Variants in SCP2 observed in about 807,000 individuals in gnomAD.
SCP2 encodes sterol carrier protein 2.
In SCP2, 48 loss-of-function variants were observed where a neutral mutation model predicts 71.4. The ratio of observed to expected loss-of-function variants is 0.67; its 90% confidence interval spans 0.53 to 0.86. SCP2 has a LOEUF of 0.86. Among genes scored for constraint, SCP2 ranks in the 40% least tolerant of loss-of-function variants. SCP2 has a pLI of 0.00. For missense variants in SCP2, 560 were observed against 655.6 expected (o/e 0.85, Z 1.59); for synonymous variants, 220 against 218.1 (o/e 1.01, Z -0.08).
At chr1:52,978,145 A>T in intron 8 of SCP2, 72 bp from the exon 9 acceptor site, 1 of 1,453,822 alleles carries the variant, frequency 6.9e-7, no homozygotes, top group East Asian at 2.3e-5. Flanking sequence ...TTTCACATAG[A>T]AGTAACTCCT....
chr1:53,026,256 A>G (rs1203054490), intron 12 of SCP2, among the ~76,000 whole-genome samples: 1 of 152,148 alleles, frequency 6.6e-6, no homozygotes, highest in Admixed American at 6.6e-5. Flanking sequence ...TCTTTATTCT[A>G]GGAACATTTG....
chr1:53,005,896 A>G (rs1340687548), intron 11 of SCP2, among the ~76,000 whole-genome samples: 2 of 152,194 alleles, frequency 1.3e-5, no homozygotes, highest in Non-Finnish European at 2.9e-5. Flanking sequence ...GATTAGACGA[A>G]TGGCTAATTA....
chr1:53,025,870 T>C (rs1327277513), intron 12 of SCP2, among the ~76,000 whole-genome samples: 2 of 152,236 alleles, frequency 1.3e-5, no homozygotes, highest in African/African-American at 4.8e-5. Flanking sequence ...TTCCCTACTT[T>C]GGCCTGCCTG....
At chr1:53,044,717 T>C (rs989451522) in intron 14 of SCP2, among the ~76,000 whole-genome samples, 1 of 152,248 alleles carries the variant, frequency 6.6e-6, no homozygotes, top group African/African-American at 2.4e-5. Context: ...CCTATTGTTA[T>C]ATTAATTGAT....
intron 11 of SCP2, chr1:52,993,649 C>T (rs1333798743): frequency 6.2e-6 from 10 of 1,612,276 alleles, no homozygotes; most frequent in Non-Finnish European, 8.5e-6. Context: ...CTATCACACA[C>T]TGCTTTGTGT....
intron 14 of SCP2, among the ~76,000 whole-genome samples, 169 bp from the exon 15 acceptor site, chr1:53,047,689 T>C (rs1663918363): frequency 6.6e-6 from 1 of 152,210 alleles, no homozygotes; most frequent in African/African-American, 2.4e-5. Context: ...TGCTTGTGGT[T>C]TATGTCACAT....
intron 6 of SCP2, among the ~76,000 whole-genome samples, chr1:52,969,574 C>G (rs545465011): frequency 7.9e-5 from 12 of 152,154 alleles, no homozygotes; most frequent in Non-Finnish European, 1.2e-4. Context: ...GTAATCCCAG[C>G]ACTTTGGGAG....
chr1:53,032,111 A>G (rs1460914405), intron 13 of SCP2, among the ~76,000 whole-genome samples: 1 of 152,238 alleles, frequency 6.6e-6, no homozygotes, highest in Non-Finnish European at 1.5e-5. Flanking sequence ...ATTTTAAGGA[A>G]TGTGAAGAAG....
chr1:52,947,369 A>G (rs1654905705), intron 2 of SCP2, among the ~76,000 whole-genome samples: 1 of 151,108 alleles, frequency 6.6e-6, no homozygotes, highest in African/African-American at 2.4e-5. Context: ...AAATACTTCA[A>G]GTTTTTGATT....
rs1200663958 is a variant in SCP2, at chr1:52,970,968, A to ATTTTTTT, written c.524-3782_524-3776dup. 2.3e-4 allele frequency among the ~76,000 whole-genome samples: 16 copies of ATTTTTTT among 70,968 alleles called. 4 individuals are homozygous for ATTTTTTT. The highest frequency in any genetic ancestry group is 9.6e-4 in the East Asian group (2 of 2,076). The allele number at this position is 70,968 out of a possible 152,430, so 46.6% of individuals were successfully genotyped here. On this transcript the variant is annotated intron_variant, in intron 6 of 15. Transcript: ENST00000371514. ...TTTTAGAGGCTATAGAGAGACACAGATTTTTTTTTTTTTTTTTTTTTTTTT... is the reference window on the plus strand; with the variant it reads ...TTTTAGAGGCTATAGAGAGACACAGATTTTTTTTTTTTTTTTTTTTTTTTTTTTTTTT...
At chr1:53,037,421 C>T (rs1195582424) in intron 13 of SCP2, among the ~76,000 whole-genome samples, 1 of 151,990 alleles carries the variant, frequency 6.6e-6, no homozygotes. Flanking sequence ...AGCGTATTGA[C>T]ATTACTTACT....
At chr1:52,930,965 A>G (rs1653098260) in intron 1 of SCP2, among the ~76,000 whole-genome samples, 1 of 152,210 alleles carries the variant, frequency 6.6e-6, no homozygotes, top group Non-Finnish European at 1.5e-5. Flanking sequence ...TCCTGTTTTA[A>G]AGGAATGTCT....
chr1:52,947,995 T>G lies in SCP2; in HGVS notation c.128-14T>G. 3 of 1,596,186 alleles carry G rather than the reference T, an allele frequency of 1.9e-6. No homozygotes were observed. Among genetic ancestry groups the G allele is most frequent in the Non-Finnish European group, 2.6e-6 (3 of 1,163,804 alleles). On this transcript the variant is annotated splice_polypyrimidine_tract_variant and intron_variant, in intron 2 of 15. Coordinates refer to ENST00000371514, the MANE Select transcript of SCP2 (RefSeq NM_002979.5). ...CTTAAAGCACTTTTTGATAAAAACC[T>G]TTCGTTTTTATAGGCAAGAAGGCTT...
intron 13 of SCP2, among the ~76,000 whole-genome samples, chr1:53,037,917 CACACACACACACAGAT>C (rs1663101089): frequency 8.5e-6 from 1 of 117,276 alleles, no homozygotes. Context: ...CACACACACA[CACACACACACACAGAT>C]CCAGATCCTG....
chr1:53,038,981 G>C lies in SCP2; in HGVS notation c.1403G>C (p.Gly468Ala). The change falls in exon 14 of 16, where the codon GGG (glycine) becomes GCG (alanine). Residue 468 changes from glycine (G) to alanine (A), a missense_variant. Around this residue, in one of 3 missense-constraint regions of SCP2, gnomAD observed 513 missense variants for 573.1 expected, o/e 0.90. Transcript: ENST00000371514. ...IFAFKVKDGPGGKEATWVVDV... is the reference protein window; with the variant it reads ...IFAFKVKDGPAGKEATWVVDV... ...GCCTTCAAGGTGAAAGATGGCCCTG[G>C]GGGTAAAGAGGCCACCTGGGTGGTG... 1 of 1,614,180 alleles carries C rather than the reference G, an allele frequency of 6.2e-7. No homozygotes were observed. Among genetic ancestry groups the C allele is most frequent in the Non-Finnish European group, 8.5e-7 (1 of 1,180,004 alleles).
chr1:52,961,765 G>C, intron 6 of SCP2, 136 bp downstream of exon 6: 1 of 786,530 alleles, frequency 1.3e-6, no homozygotes, highest in Non-Finnish European at 2.1e-6. Flanking sequence ...TTAAATCGAA[G>C]TAATAGTTCT....
rs1003789547 is a variant in SCP2, at chr1:53,050,600, T to C, written c.1549-9T>C. On this transcript the variant is annotated splice_polypyrimidine_tract_variant and intron_variant, in intron 15 of 15. Coordinates refer to ENST00000371514, the MANE Select transcript of SCP2 (RefSeq NM_002979.5). ...ACACCAAGTAATGAATTTTCTTTCT[T>C]CTTCACAGGCCTTCTTTCAAGGCAA... 1 of 1,598,806 alleles carries C rather than the reference T, an allele frequency of 6.3e-7. No individual in the cohort carries two copies. Among genetic ancestry groups the C allele is most frequent in the Admixed American group, 1.7e-5 (1 of 60,000 alleles).
At chr1:52,996,141 A>G (rs545043402) in intron 11 of SCP2, 36 of 449,578 alleles carry the variant, frequency 8.0e-5, no homozygotes, top group Non-Finnish European at 1.1e-4. Flanking sequence ...CTAGATCTAG[A>G]ACAGTGCTTA....
At chr1:52,973,345 C>CTTT (rs35488175) in intron 6 of SCP2, among the ~76,000 whole-genome samples, 1 of 146,542 alleles carries the variant, frequency 6.8e-6, no homozygotes. Flanking sequence ...GAAGAACCCT[C>CTTT]TTTTTTTTTT....
Sources: allele counts gnomAD v4.1 joint callset (sites outside exome capture counted in the v4.1 genomes callset), GRCh38; gene constraint gnomAD v4.1.1; regional missense constraint gnomAD v4.1.1; transcripts MANE v1.5; gene names NCBI Gene and HGNC (gene_info 2026-07-23, HGNC 2026-07-21).